Variants in MALRD1 observed in about 807,000 individuals in gnomAD.
MALRD1 encodes the protein MAM and LDL-receptor class A domain-containing protein 1.
Under a neutral mutation model 242.1 loss-of-function variants are expected in MALRD1, and 247 were observed. The ratio of observed to expected loss-of-function variants is 1.02; its 90% CI spans 0.92 to 1.13. The LOEUF is 1.13. MALRD1 is among the 50% of genes most tolerant of loss of function. The pLI is 0.00. For synonymous variants in MALRD1, 995 were observed against 866.6 expected (o/e 1.15, Z -2.60); for missense variants, 2,989 against 2,533.1 (o/e 1.18, Z -3.86).
intron 33 of MALRD1, among the ~76,000 whole-genome samples, chr10:19,574,140 C>T (rs118177349): frequency 0.013 from 2,019 of 152,286 alleles, 21 homozygotes; most frequent in East Asian, 0.035. Flanking sequence ...TAATAGCTCT[C>T]ACTTCGTTAA....
At position 19,615,468 on chromosome 10, in the gene MALRD1, T is replaced by C. The variant is rs1029516164; in HGVS notation, c.6071-389T>C. Among the ~76,000 whole-genome samples, 7 of 129,630 alleles carry C rather than the reference T, an allele frequency of 5.4e-5. No homozygotes were observed. In the Admixed American group the frequency reaches 6.4e-4, roughly 12 times the overall value. 85.0% of individuals were successfully genotyped at this position (129,630 alleles called of 152,430 possible). A position where few individuals can be genotyped will look rare whatever the true frequency, so the allele number is the denominator to read the frequency against. ...GAGGTTGAGGCTGCAGTGAGCTGTG[T>C]TTATGCCACTCTATTCCAAGCCTGA... On this transcript the variant is annotated intron_variant, in intron 35 of 39. Coordinates refer to ENST00000454679, the MANE Select transcript of MALRD1 (RefSeq NM_001142308.3).
chr10:19,100,242 G>C (rs531911252), intron 4 of MALRD1, among the ~76,000 whole-genome samples: 2 of 152,060 alleles, frequency 1.3e-5, no homozygotes, highest in East Asian at 3.9e-4. Context: ...CCTCCACTTC[G>C]AGAAATATTT....
At chr10:19,412,403 C>G (rs1397232577) in intron 28 of MALRD1, among the ~76,000 whole-genome samples, 1 of 152,134 alleles carries the variant, frequency 6.6e-6, no homozygotes, top group African/African-American at 2.4e-5. Context: ...TGGAAAAACC[C>G]CATCAACCAG....
intron 33 of MALRD1, among the ~76,000 whole-genome samples, chr10:19,590,644 A>G (rs927066617): frequency 1.3e-5 from 2 of 152,092 alleles, no homozygotes; most frequent in African/African-American, 2.4e-5. Flanking sequence ...AAATAGTTAG[A>G]TATCTCACCA....
chr10:19,143,400 A>G (rs919583917), intron 10 of MALRD1, among the ~76,000 whole-genome samples: 8 of 152,208 alleles, frequency 5.3e-5, no homozygotes, highest in African/African-American at 1.4e-4. Context: ...TTGTTGGGGA[A>G]ATTAGAATGG....
intron 29 of MALRD1, among the ~76,000 whole-genome samples, chr10:19,457,603 G>A (rs1480371867): frequency 1.3e-5 from 2 of 151,760 alleles, no homozygotes; most frequent in African/African-American, 2.4e-5. Context: ...AGACCGGGCT[G>A]TTCTAGAACG....
chr10:19,425,563 G>A (rs997451885), intron 28 of MALRD1, among the ~76,000 whole-genome samples: 3 of 151,916 alleles, frequency 2.0e-5, no homozygotes, highest in African/African-American at 7.3e-5. Context: ...GCATTACAGG[G>A]AGGATGTAAC....
At chr10:19,727,095 G>C (rs185350478) in intron 38 of MALRD1, among the ~76,000 whole-genome samples, 56 of 152,240 alleles carry the variant, frequency 3.7e-4, no homozygotes, top group African/African-American at 1.2e-3. Context: ...AATTTTATGT[G>C]ATATATACCA....
intron 18 of MALRD1, among the ~76,000 whole-genome samples, chr10:19,243,427 G>A (rs919273814): frequency 2.6e-5 from 4 of 152,026 alleles, no homozygotes; most frequent in Admixed American, 6.6e-5. Flanking sequence ...GTTTGCTAAT[G>A]CCTAATTTTT....
At chr10:19,560,476 AAAATAAAAT>A (rs1451229645) in intron 32 of MALRD1, among the ~76,000 whole-genome samples, 1 of 152,144 alleles carries the variant, frequency 6.6e-6, no homozygotes, top group Non-Finnish European at 1.5e-5. Context: ...CTGAAAAAAT[AAAATAAAAT>A]AAAAAATAAA....
At chr10:19,050,288 C>T (rs866778401) in intron 1 of MALRD1, among the ~76,000 whole-genome samples, 66 of 150,748 alleles carry the variant, frequency 4.4e-4, no homozygotes, top group Admixed American at 9.9e-4. Context: ...GGGGTTTCAC[C>T]GTTTTAGCCG....
At chr10:19,081,200 G>C (rs896838678) in intron 2 of MALRD1, among the ~76,000 whole-genome samples, 17 of 152,158 alleles carry the variant, frequency 1.1e-4, no homozygotes, top group African/African-American at 4.1e-4. Flanking sequence ...GTGGAAGACA[G>C]TGTGGCAATT....
At chr10:19,335,608 C>G (rs1230285660) in intron 24 of MALRD1, among the ~76,000 whole-genome samples, 2 of 151,988 alleles carry the variant, frequency 1.3e-5, no homozygotes, top group African/African-American at 4.8e-5. Context: ...TGGCAACCAA[C>G]CATGTATTTG....
At chr10:19,636,997 T>G (rs1840165942) in intron 36 of MALRD1, among the ~76,000 whole-genome samples, 1 of 152,086 alleles carries the variant, frequency 6.6e-6, no homozygotes, top group East Asian at 1.9e-4. Context: ...TTGGTAATTA[T>G]CTGGAAATTT....
intron 33 of MALRD1, among the ~76,000 whole-genome samples, chr10:19,581,124 T>C (rs1837099199): frequency 6.6e-6 from 1 of 152,158 alleles, no homozygotes; most frequent in African/African-American, 2.4e-5. Context: ...AAAGTTATAA[T>C]TCACAATAAC....
chr10:19,579,557 G>A (rs1837003829), intron 33 of MALRD1, among the ~76,000 whole-genome samples: 2 of 152,152 alleles, frequency 1.3e-5, no homozygotes, highest in East Asian at 1.9e-4. Context: ...TCCACTCATA[G>A]GACCGATGAT....
At chr10:19,381,509 A>G (rs1215106204) in intron 26 of MALRD1, among the ~76,000 whole-genome samples, 2 of 151,816 alleles carry the variant, frequency 1.3e-5, no homozygotes, top group South Asian at 4.2e-4. Context: ...TGCATTCTCT[A>G]TTATTTTCAT....
At chr10:19,349,690 T>C (rs889398088) in intron 25 of MALRD1, among the ~76,000 whole-genome samples, 29 of 152,220 alleles carry the variant, frequency 1.9e-4, no homozygotes, top group Non-Finnish European at 3.5e-4. Flanking sequence ...GTTGGGTATA[T>C]ATCTATAAAT....
At chr10:19,503,489 C>G (rs973113223) in intron 31 of MALRD1, among the ~76,000 whole-genome samples, 5 of 152,116 alleles carry the variant, frequency 3.3e-5, no homozygotes, top group Admixed American at 6.5e-5. Flanking sequence ...AGAGAAACAA[C>G]AAACATCAGT....
Sources: gnomAD v4.1 joint callset for allele counts (sites outside exome capture counted in the v4.1 genomes callset) on GRCh38, gnomAD v4.1.1 for gene constraint, MANE v1.5 for transcripts, NCBI Gene and HGNC (gene_info 2026-07-23, HGNC 2026-07-21) for gene names.